GUCY1A1: variants seen among roughly 807,000 people sequenced by gnomAD.
The protein encoded by GUCY1A1 is guanylate cyclase soluble subunit alpha-1.
GUCY1A1 carries 48 observed loss-of-function variants against 64.5 expected under a neutral mutation model. The ratio of observed to expected loss-of-function variants is 0.74; its 90% CI spans 0.59 to 0.95. The LOEUF is 0.95. Among genes scored for constraint, GUCY1A1 ranks in the 40% least tolerant of loss-of-function variants. The probability of loss-of-function intolerance (pLI) is 0.00; values close to 1 mark genes in which losing one functional copy is unlikely to be tolerated. For synonymous variants in GUCY1A1, 308 were observed against 303.4 expected (o/e 1.02, Z -0.16); for missense variants, 804 against 825.3 (o/e 0.97, Z 0.32).
At chr4:155,702,009 ATCATTCAT>A (rs34961017) in intron 3 of GUCY1A1, among the ~76,000 whole-genome samples, 30 of 150,904 alleles carry the variant, frequency 2.0e-4, no homozygotes, top group South Asian at 4.2e-4. Flanking sequence ...GCAGGTGGAC[ATCATTCAT>A]TCATTCATTC....
chr4:155,669,206 G>T (rs1578982143), intron 2 of GUCY1A1, among the ~76,000 whole-genome samples: 1 of 152,094 alleles, frequency 6.6e-6, no homozygotes, highest in East Asian at 1.9e-4. Flanking sequence ...GTATTTAGTA[G>T]AAATTTGTAA....
intron 2 of GUCY1A1, among the ~76,000 whole-genome samples, chr4:155,669,364 G>C (rs1733806973): frequency 6.6e-6 from 1 of 151,878 alleles, no homozygotes; most frequent in African/African-American, 2.4e-5. Context: ...GCTTGGTATA[G>C]TGTCTCATAG....
At chr4:155,699,853 T>A (rs1379307120) in intron 3 of GUCY1A1, among the ~76,000 whole-genome samples, 2 of 152,186 alleles carry the variant, frequency 1.3e-5, no homozygotes, top group African/African-American at 4.8e-5. Context: ...ATATTTTTAT[T>A]AGTGAACAGG....
intron 2 of GUCY1A1, among the ~76,000 whole-genome samples, chr4:155,686,397 C>A: frequency 6.6e-6 from 1 of 152,196 alleles, no homozygotes; most frequent in East Asian, 1.9e-4. Context: ...AGGAGAATGA[C>A]TTGAACCCGG....
intron 9 of GUCY1A1, among the ~76,000 whole-genome samples, chr4:155,726,484 GC>G (rs1198057772): frequency 1.3e-5 from 2 of 151,884 alleles, no homozygotes; most frequent in African/African-American, 2.4e-5. Context: ...AGCACAAAAT[GC>G]AGTTTTCTTT....
At position 155,713,592 on chromosome 4, in the gene GUCY1A1, G is replaced by A. The variant is rs1171046540; in HGVS notation, c.1572+9G>A. 3.7e-6 allele frequency: 6 copies of A among 1,605,620 alleles called. No individual in the cohort carries two copies. The highest frequency in any genetic ancestry group is 5.1e-6 in the Non-Finnish European group (6 of 1,173,358). ...AGCTGGATGTCTACAAGGTAGGAGT[G>A]GACCAGGGAAATAATTGTTTTACCA... On this transcript the variant is annotated intron_variant, in intron 7 of 9. Coordinates refer to ENST00000506455, the MANE Select transcript of GUCY1A1 (RefSeq NM_001130682.3).
At chr4:155,689,586 A>C (rs1214443979) in intron 2 of GUCY1A1, among the ~76,000 whole-genome samples, 1 of 152,234 alleles carries the variant, frequency 6.6e-6, no homozygotes, top group Non-Finnish European at 1.5e-5. Flanking sequence ...TGTGAATTTG[A>C]ATACTTAAAA....
Position 155,717,276 on chromosome 4 carries a change from A to T in GUCY1A1, c.1690A>T (p.Met564Leu). The change falls in exon 8 of 10, where the codon ATG becomes TTG. Residue 564 changes from methionine to leucine, a missense_variant. Coordinates refer to ENST00000506455, the MANE Select transcript of GUCY1A1 (RefSeq NM_001130682.3). ...GATGATGGAGCTCTCTGATGAAGTTATGTCTCCCCATGGAGAACCTATCAA... is the reference window on the plus strand; with the variant it reads ...GATGATGGAGCTCTCTGATGAAGTTTTGTCTCCCCATGGAGAACCTATCAA... ...LKMMELSDEV[M>L]SPHGEPIKMR... is the part of the protein sequence containing the mutation. The T allele has an allele frequency of 6.3e-7, 1 of 1,594,186 alleles. No homozygotes were observed. The highest frequency in any genetic ancestry group is 2.3e-5 in the East Asian group (1 of 44,248).
chr4:155,688,317 G>A (rs902246528), intron 2 of GUCY1A1, among the ~76,000 whole-genome samples: 7 of 152,036 alleles, frequency 4.6e-5, no homozygotes, highest in African/African-American at 1.4e-4. Flanking sequence ...GTATGTGTGT[G>A]TGTTTATGTA....
intron 9 of GUCY1A1, among the ~76,000 whole-genome samples, chr4:155,724,115 A>C (rs758712565): frequency 1.3e-5 from 2 of 152,042 alleles, no homozygotes; most frequent in African/African-American, 2.4e-5. Context: ...CCCAGTACTC[A>C]TCTCCTCCTT....
intron 7 of GUCY1A1, among the ~76,000 whole-genome samples, chr4:155,715,066 A>G (rs1030993764): frequency 2.0e-5 from 3 of 152,166 alleles, no homozygotes; most frequent in East Asian, 1.9e-4. Context: ...TTTTGAAACT[A>G]TGCTCCTCAC....
In GUCY1A1 at chr4:155,730,221, G is replaced by C; in HGVS notation, c.2063G>C (p.Gly688Ala). 1 of 1,598,748 alleles carries C rather than the reference G, an allele frequency of 6.3e-7. No individual in the cohort carries two copies. The highest frequency in any genetic ancestry group is 8.6e-7 in the Non-Finnish European group (1 of 1,166,760). ...GCCAATTTTTTAGGCAAAGCATCAG[G>C]AATAGATTAGCAACCTATATACCTA... ...GNANFLGKASGID is the reference protein window; with the variant it reads ...GNANFLGKASAID Residue 688 changes from glycine (G) to alanine (A), a missense_variant, in exon 10 of 10, where the codon GGA (glycine) becomes GCA (alanine). Transcript: ENST00000506455.
chr4:155,686,542 T>C (rs745445278), intron 2 of GUCY1A1, among the ~76,000 whole-genome samples: 8 of 152,220 alleles, frequency 5.3e-5, no homozygotes, highest in Non-Finnish European at 5.9e-5. Context: ...AAAGCAATAA[T>C]TAGAGACAGG....
At chr4:155,691,701 C>T (rs532815875) in intron 2 of GUCY1A1, among the ~76,000 whole-genome samples, 1 of 152,304 alleles carries the variant, frequency 6.6e-6, no homozygotes, top group South Asian at 2.1e-4. Context: ...TGATGGTAGA[C>T]ATTTGATACA....
intron 2 of GUCY1A1, among the ~76,000 whole-genome samples, chr4:155,686,201 C>A (rs1439466322): frequency 6.6e-6 from 1 of 152,140 alleles, no homozygotes; most frequent in Non-Finnish European, 1.5e-5. Flanking sequence ...ATTGGCCAGG[C>A]GTGATGGCTC....
intron 8 of GUCY1A1, among the ~76,000 whole-genome samples, chr4:155,720,999 T>C (rs538921677): frequency 6.6e-6 from 1 of 152,194 alleles, no homozygotes; most frequent in East Asian, 1.9e-4. Context: ...CAAGGTGACT[T>C]ACATTTGTAA....
In GUCY1A1 at chr4:155,731,442, T is replaced by C. The variant is rs973932840; in HGVS notation, c.*1211T>C. The C allele has an allele frequency of 4.0e-5, 6 of 151,852 alleles. No individual in the cohort carries two copies. Among genetic ancestry groups the C allele is most frequent in the African/African-American group, 1.4e-4 (6 of 41,414 alleles). The allele number at this position is 151,852 out of a possible 1,614,324, so 9.4% of individuals were successfully genotyped here. A position where few individuals can be genotyped will look rare whatever the true frequency, so the allele number is the denominator to read the frequency against. On this transcript the variant is annotated 3_prime_UTR_variant, in exon 10 of 10. Transcript: ENST00000506455. ...GACTTAAAAAAAACGACTGTTAGTATTGATGAAGCAAATGAGGCAGTGACT... is the reference window on the plus strand; with the variant it reads ...GACTTAAAAAAAACGACTGTTAGTACTGATGAAGCAAATGAGGCAGTGACT...
chr4:155,719,227 A>C (rs529319046), intron 8 of GUCY1A1, among the ~76,000 whole-genome samples: 1 of 152,212 alleles, frequency 6.6e-6, no homozygotes, highest in Non-Finnish European at 1.5e-5. Context: ...TAAAAGACCT[A>C]TAAAGGGAAT....
At chr4:155,680,884 A>G (rs7671985) in intron 2 of GUCY1A1, among the ~76,000 whole-genome samples, 31,515 of 151,404 alleles carry the variant, frequency 0.21, 3,560 homozygotes, top group Non-Finnish European at 0.23. Context: ...GAGTGGACCC[A>G]TGGAGTTTGA....
Sources: gnomAD v4.1 joint callset for allele counts (sites outside exome capture counted in the v4.1 genomes callset) on GRCh38, gnomAD v4.1.1 for gene constraint, MANE v1.5 for transcripts, NCBI Gene and HGNC (gene_info 2026-07-23, HGNC 2026-07-21) for gene names.